The following LRMDA variants were observed in gnomAD, a reference collection of about 807,000 sequenced individuals.
LRMDA encodes the protein leucine-rich melanocyte differentiation-associated protein.
A neutral mutation model predicts 29.8 loss-of-function variants in LRMDA; 18 were observed. The ratio of observed to expected loss-of-function variants is 0.60; its 90% confidence interval spans 0.42 to 0.90. The LOEUF (loss-of-function observed/expected upper bound fraction) is 0.90. Among genes scored for constraint, LRMDA ranks in the 40% least tolerant of loss-of-function variants. The pLI, the probability that LRMDA is intolerant of heterozygous loss-of-function variation, is 0.00. For synonymous variants in LRMDA, 125 were observed against 109.4 expected, an observed-to-expected ratio of 1.14 and a Z score of -0.89; for missense variants, 273 against 273.9, an observed-to-expected ratio of 1.00 and a Z score of 0.02.
chr10:76,422,984 A>C (rs756952294), intron 6 of LRMDA, among the ~76,000 whole-genome samples: 3 of 152,254 alleles, frequency 2.0e-5, no homozygotes, highest in Non-Finnish European at 2.9e-5. Flanking sequence ...GCAAACCAAC[A>C]AAACCCTTTG....
At chr10:75,867,380 C>T (rs187520571) in intron 2 of LRMDA, among the ~76,000 whole-genome samples, 1 of 152,224 alleles carries the variant, frequency 6.6e-6, no homozygotes, top group Admixed American at 6.5e-5. Flanking sequence ...CCAGGGTGGT[C>T]GCGATCTCTT....
At chr10:75,614,442 GCA>G (rs1841074267) in intron 2 of LRMDA, among the ~76,000 whole-genome samples, 1 of 152,138 alleles carries the variant, frequency 6.6e-6, no homozygotes, top group East Asian at 1.9e-4. Flanking sequence ...TGCCTTGTCT[GCA>G]CAGTGCCTCA....
intron 5 of LRMDA, among the ~76,000 whole-genome samples, chr10:76,245,743 C>T (rs892711389): frequency 6.6e-6 from 1 of 152,204 alleles, no homozygotes; most frequent in Non-Finnish European, 1.5e-5. Flanking sequence ...GCCTTGGCAT[C>T]CTGCCCTTAT....
chr10:75,973,391 C>T (rs905882711), intron 2 of LRMDA, among the ~76,000 whole-genome samples: 7 of 150,536 alleles, frequency 4.7e-5, no homozygotes, highest in African/African-American at 7.3e-5. Context: ...TAATGACCTG[C>T]TGGACAGGTG....
intron 5 of LRMDA, among the ~76,000 whole-genome samples, chr10:76,069,494 T>A (rs1215391196): frequency 6.6e-6 from 1 of 152,224 alleles, no homozygotes; most frequent in Non-Finnish European, 1.5e-5. Flanking sequence ...TTATTTTTCA[T>A]GTGCATTTTA....
At chr10:76,034,759 A>G (rs951024212) in intron 2 of LRMDA, among the ~76,000 whole-genome samples, 7 of 152,140 alleles carry the variant, frequency 4.6e-5, no homozygotes, top group African/African-American at 1.7e-4. Context: ...TAAATGAATA[A>G]ATAGTGTGGA....
intron 2 of LRMDA, among the ~76,000 whole-genome samples, chr10:75,673,609 ACT>A (rs924120454): frequency 1.3e-5 from 2 of 152,094 alleles, no homozygotes; most frequent in Non-Finnish European, 2.9e-5. Flanking sequence ...GGACATTTTG[ACT>A]CTCAATTCTG....
intron 2 of LRMDA, among the ~76,000 whole-genome samples, chr10:75,473,213 C>G (rs1844746097): frequency 6.6e-6 from 1 of 152,156 alleles, no homozygotes; most frequent in African/African-American, 2.4e-5. Flanking sequence ...AAAGTGGGGC[C>G]CAATCAAAGG....
At chr10:75,702,526 G>C (rs2132170630) in intron 2 of LRMDA, among the ~76,000 whole-genome samples, 1 of 152,250 alleles carries the variant, frequency 6.6e-6, no homozygotes, top group East Asian at 1.9e-4. Flanking sequence ...CCTATTCAGT[G>C]AAGCCCAGGT....
intron 2 of LRMDA, among the ~76,000 whole-genome samples, chr10:75,454,576 C>G (rs529151595): frequency 6.6e-6 from 1 of 152,154 alleles, no homozygotes; most frequent in Non-Finnish European, 1.5e-5. Context: ...AGAATGTATT[C>G]CCTATCCCTT....
At chr10:75,453,937 T>G (rs1844487037) in intron 2 of LRMDA, among the ~76,000 whole-genome samples, 1 of 152,242 alleles carries the variant, frequency 6.6e-6, no homozygotes, top group Admixed American at 6.5e-5. Context: ...ACAGGAACCT[T>G]GTGAACTGAA....
chr10:76,399,333 C>T (rs547477700), intron 6 of LRMDA, among the ~76,000 whole-genome samples: 1 of 152,294 alleles, frequency 6.6e-6, no homozygotes, highest in Admixed American at 6.5e-5. Flanking sequence ...TTGGCAGACT[C>T]GCAGACATAC....
At chr10:76,240,986 T>C (rs922459452) in intron 5 of LRMDA, among the ~76,000 whole-genome samples, 4 of 152,082 alleles carry the variant, frequency 2.6e-5, no homozygotes, top group African/African-American at 9.6e-5. Context: ...CTGGAGACCA[T>C]TATTCTAAAT....
At chr10:76,463,005 C>G (rs1335012329) in intron 6 of LRMDA, among the ~76,000 whole-genome samples, 1 of 152,112 alleles carries the variant, frequency 6.6e-6, no homozygotes, top group Non-Finnish European at 1.5e-5. Context: ...AGTTCAGGGC[C>G]CCTTAAAAGA....
At chr10:75,440,676 A>G (rs958626633) in intron 2 of LRMDA, among the ~76,000 whole-genome samples, 1 of 152,152 alleles carries the variant, frequency 6.6e-6, no homozygotes, top group Non-Finnish European at 1.5e-5. Context: ...ACTGGTCTCT[A>G]TCTTTGCCTT....
intron 2 of LRMDA, among the ~76,000 whole-genome samples, chr10:75,519,212 A>T (rs1258249173): frequency 6.6e-6 from 1 of 152,162 alleles, no homozygotes; most frequent in Non-Finnish European, 1.5e-5. Context: ...GCAGATGTCT[A>T]TTAGGTCCAA....
intron 2 of LRMDA, among the ~76,000 whole-genome samples, chr10:75,740,112 G>A (rs1732094245): frequency 6.6e-6 from 1 of 152,216 alleles, no homozygotes; most frequent in Non-Finnish European, 1.5e-5. Context: ...TTTATGTACA[G>A]CCATACATAA....
intron 2 of LRMDA, among the ~76,000 whole-genome samples, chr10:75,605,292 A>G (rs1032331026): frequency 3.3e-5 from 5 of 152,184 alleles, no homozygotes; most frequent in Admixed American, 1.3e-4. Flanking sequence ...GATTTTTGAT[A>G]GCTCAGATGA....
At chr10:75,491,092 T>G (rs761176051) in intron 2 of LRMDA, among the ~76,000 whole-genome samples, 1 of 152,264 alleles carries the variant, frequency 6.6e-6, no homozygotes, top group Non-Finnish European at 1.5e-5. Context: ...GAAATGCATT[T>G]TCTTTGAAGC....
Sources: gnomAD v4.1 joint callset for allele counts (sites outside exome capture counted in the v4.1 genomes callset) on GRCh38, gnomAD v4.1.1 for gene constraint, MANE v1.5 for transcripts, NCBI Gene and HGNC (gene_info 2026-07-23, HGNC 2026-07-21) for gene names.